TK2: variants seen among roughly 807,000 people sequenced by gnomAD.
The protein encoded by TK2 is thymidine kinase 2, mitochondrial.
A neutral mutation model predicts 41.9 loss-of-function variants in TK2; 35 were observed. The ratio of observed to expected loss-of-function variants is 0.84; its 90% CI spans 0.64 to 1.11. The LOEUF is 1.11. TK2 is among the 50% of genes least tolerant of loss of function. The probability of loss-of-function intolerance (pLI) is 0.00; values close to 1 mark genes in which losing one functional copy is unlikely to be tolerated. For synonymous variants in TK2, 128 were observed against 129.1 expected, an observed-to-expected ratio of 0.99 and a Z score of 0.06; for missense variants, 320 against 351.1, an observed-to-expected ratio of 0.91 and a Z score of 0.71.
chr16:66,542,358 G>C (rs567300317), intron 2 of TK2, among the ~76,000 whole-genome samples: 2 of 151,840 alleles, frequency 1.3e-5, no homozygotes, highest in African/African-American at 4.8e-5. Flanking sequence ...ATCTAGAATC[G>C]AATTCACTGC....
At chr16:66,549,841 G>A (rs889517616) in intron 1 of TK2, 97 bp downstream of exon 1, 12 of 1,284,034 alleles carry the variant, frequency 9.3e-6, no homozygotes, top group Non-Finnish European at 1.2e-5. Flanking sequence ...CGCCTCGGAA[G>A]AGGCGCTTCG....
Position 66,511,438 on chromosome 16 carries a change from G to T in TK2, c.*530C>A. The T allele has an allele frequency of 4.6e-6, 1 of 216,954 alleles. No individual in the cohort carries two copies. The highest frequency in any genetic ancestry group is 9.4e-6 in the Non-Finnish European group (1 of 106,788). 13.4% of individuals were successfully genotyped at this position (216,954 alleles called of 1,614,324 possible). A position where few individuals can be genotyped will look rare whatever the true frequency, so the allele number is the denominator to read the frequency against. On this transcript the variant is annotated 3_prime_UTR_variant, in exon 10 of 10. Coordinates refer to ENST00000544898, the MANE Select transcript of TK2 (RefSeq NM_004614.5). ...CAACCGGAAGAGGCAGGGCGGTGGG[G>T]AACAGCTCTCAGGAGGAGGCAGCCC... is the stretch of plus-strand genomic sequence containing the variant.
chr16:66,528,227 C>G (rs1361227036), intron 6 of TK2, among the ~76,000 whole-genome samples: 1 of 152,188 alleles, frequency 6.6e-6, no homozygotes, highest in African/African-American at 2.4e-5. Context: ...CCCAAGCTCG[C>G]GGCAGGGACA....
intron 2 of TK2, among the ~76,000 whole-genome samples, chr16:66,547,686 C>G (rs1257751559): frequency 1.3e-5 from 2 of 151,848 alleles, no homozygotes; most frequent in Non-Finnish European, 2.9e-5. Context: ...CAGACCTCCC[C>G]CATCAGACAA....
At chr16:66,518,367 A>G (rs542496572) in intron 6 of TK2, among the ~76,000 whole-genome samples, 1 of 152,224 alleles carries the variant, frequency 6.6e-6, no homozygotes, top group East Asian at 1.9e-4. Context: ...ATCTCTACAA[A>G]AACTACAAAA....
chr16:66,548,768 T>A, intron 2 of TK2: 1 of 583,930 alleles, frequency 1.7e-6, no homozygotes, highest in South Asian at 2.0e-5. Flanking sequence ...ACTTGTGTGC[T>A]CCTATCTGTG....
In TK2 at chr16:66,517,765, G is replaced by A. The variant is rs1297702308; in HGVS notation, c.538+24C>T. ...GGGACCCAGGAGAGAGACAAGAGAG[G>A]GAGGTGGGAGGGGTGCATCTCACCT... On this transcript the variant is annotated intron_variant, in intron 7 of 9. Coordinates refer to ENST00000544898, the MANE Select transcript of TK2 (RefSeq NM_004614.5). The surrounding 1 kb of genome is among the most constrained non-coding windows in gnomAD (Gnocchi z 4.3). 1.9e-6 allele frequency: 3 copies of A among 1,605,940 alleles called. No individual in the cohort carries two copies. Among genetic ancestry groups the A allele is most frequent in the South Asian group, 1.1e-5 (1 of 90,908 alleles).
At chr16:66,523,492 C>T (rs1482905028) in intron 6 of TK2, among the ~76,000 whole-genome samples, 1 of 152,192 alleles carries the variant, frequency 6.6e-6, no homozygotes, top group Non-Finnish European at 1.5e-5. Context: ...TAGGTAGTGA[C>T]AATGACAGTA....
chr16:66,539,429 T>C (rs1597103545), intron 3 of TK2, among the ~76,000 whole-genome samples: 1 of 151,712 alleles, frequency 6.6e-6, no homozygotes, highest in East Asian at 1.9e-4. Context: ...TGAAACCCCA[T>C]CTCTACTAAA....
At chr16:66,521,892 T>C (rs1310774494) in intron 6 of TK2, among the ~76,000 whole-genome samples, 1 of 152,240 alleles carries the variant, frequency 6.6e-6, no homozygotes, top group East Asian at 1.9e-4. Context: ...ACATGAATCC[T>C]GCTGTTACAT....
intron 3 of TK2, among the ~76,000 whole-genome samples, chr16:66,538,314 G>A (rs1391738447): frequency 2.0e-5 from 3 of 151,922 alleles, no homozygotes; most frequent in Non-Finnish European, 2.9e-5. Flanking sequence ...TCATCACATG[G>A]AAAACTCCTG....
rs148648933 is a variant in TK2, at chr16:66,549,237, T to C, written c.125-228A>G. The C allele has an allele frequency of 8.5e-6, 12 of 1,406,352 alleles. No individual in the cohort carries two copies. The Middle Eastern group carries it at 5.6e-4, about 66-fold the overall frequency. 87.1% of individuals were successfully genotyped at this position (1,406,352 alleles called of 1,614,324 possible). ...TGGACCCCCAGTGTGCTCGAGTTCT[T>C]TCACTTAGTACATTATACTTTGCAT... is the stretch of plus-strand genomic sequence containing the variant. On this transcript the variant is annotated intron_variant, in intron 1 of 9. Coordinates refer to ENST00000544898, the MANE Select transcript of TK2 (RefSeq NM_004614.5).
Position 66,514,583 on chromosome 16 carries a change from G to A in TK2, c.619-772C>T, listed in dbSNP as rs370075025. The stretch of plus-strand genomic sequence containing the variant: ...GAGTGTCTCTGCCTGGCCGCCCATC[G>A]TCTAGGATGTGAGGACCCCTCTGCC... On this transcript the variant is annotated intron_variant, in intron 8 of 9. Coordinates refer to ENST00000544898, the MANE Select transcript of TK2 (RefSeq NM_004614.5). This position sits in a 1 kb window ranked among gnomAD's most constrained non-coding sequence, Gnocchi z 4.2. Among the ~76,000 whole-genome samples the A allele has an allele frequency of 2.1e-4, 32 of 152,092 alleles. No individual in the cohort carries two copies. Among genetic ancestry groups the A allele is most frequent in the African/African-American group, 5.6e-4 (23 of 41,434 alleles).
chr16:66,547,430 C>T (rs1466458689), intron 2 of TK2, among the ~76,000 whole-genome samples: 1 of 152,170 alleles, frequency 6.6e-6, no homozygotes, highest in Non-Finnish European at 1.5e-5. Context: ...TCCCTCTGCA[C>T]CTATCCCCCA....
chr16:66,524,635 G>A (rs377432303), intron 6 of TK2, among the ~76,000 whole-genome samples: 2 of 152,244 alleles, frequency 1.3e-5, no homozygotes, highest in East Asian at 3.9e-4. Flanking sequence ...ACTACACCCG[G>A]CCCTGCCACC....
intron 4 of TK2, among the ~76,000 whole-genome samples, chr16:66,534,050 C>T (rs1297441912): frequency 6.6e-6 from 1 of 150,960 alleles, no homozygotes; most frequent in African/African-American, 2.4e-5. Flanking sequence ...AGTACAGAGC[C>T]CTCTTGAATG....
intron 5 of TK2, among the ~76,000 whole-genome samples, chr16:66,529,678 C>T (rs765753968): frequency 2.6e-5 from 4 of 152,190 alleles, no homozygotes; most frequent in Non-Finnish European, 5.9e-5. Flanking sequence ...AAGCAAGAGG[C>T]GCCCTGACCC....
At chr16:66,526,778 C>A (rs142948027) in intron 6 of TK2, among the ~76,000 whole-genome samples, 2 of 152,306 alleles carry the variant, frequency 1.3e-5, no homozygotes, top group Non-Finnish European at 2.9e-5. Context: ...ACAAGAGCCA[C>A]TGACCCCACA....
chr16:66,542,997 C>T (rs1256016340), intron 2 of TK2, among the ~76,000 whole-genome samples: 4 of 152,146 alleles, frequency 2.6e-5, no homozygotes, highest in African/African-American at 2.4e-5. Context: ...CTCAGCCTCC[C>T]GAGTAGCTGG....
Sources: allele counts gnomAD v4.1 joint callset (sites outside exome capture counted in the v4.1 genomes callset), GRCh38; gene constraint gnomAD v4.1.1; non-coding constraint Gnocchi (gnomAD v3.1); transcripts MANE v1.5; gene names NCBI Gene and HGNC (gene_info 2026-07-23, HGNC 2026-07-21).